The following TAF3 variants were observed in gnomAD, a reference collection of about 807,000 sequenced individuals.
TAF3 encodes TATA-box binding protein associated factor 3, also known as transcription initiation factor TFIID subunit 3.
A neutral mutation model predicts 80.6 loss-of-function variants in TAF3; 7 were observed. The ratio of observed to expected loss-of-function variants is 0.09; its 90% confidence interval spans 0.05 to 0.16. The LOEUF is 0.16. TAF3 is among the 10% of genes least tolerant of loss of function. The probability of loss-of-function intolerance (pLI) is 1.00; values close to 1 mark genes in which losing one functional copy is unlikely to be tolerated. For missense variants in TAF3, 921 were observed against 1,140.2 expected (o/e 0.81, Z 2.77); for synonymous variants, 444 against 446.1 (o/e 1.00, Z 0.06).
chr10:7,878,522 A>G lies in TAF3; in HGVS notation c.409+53962A>G, dbSNP rs79117021. 4.2e-3 allele frequency among the ~76,000 whole-genome samples: 640 copies of G among 152,270 alleles called. 4 individuals are homozygous for G. Among genetic ancestry groups the G allele is most frequent in the African/African-American group, 0.015 (612 of 41,540 alleles). ...ATCTGAGTGTGTTCAGCTTGTGGAA[A>G]GTCATCAGGCCACACACTTAGGGTA... On this transcript the variant is annotated intron_variant, in intron 2 of 6. Transcript: ENST00000344293.
intron 2 of TAF3, among the ~76,000 whole-genome samples, chr10:7,931,969 A>G (rs1837873112): frequency 6.6e-6 from 1 of 152,204 alleles, no homozygotes; most frequent in South Asian, 2.1e-4. Context: ...AGTGCTAGAG[A>G]TACGCAACCA....
intron 2 of TAF3, among the ~76,000 whole-genome samples, chr10:7,958,756 T>G (rs1487707349): frequency 6.6e-6 from 1 of 152,212 alleles, no homozygotes; most frequent in Non-Finnish European, 1.5e-5. Flanking sequence ...CGCGCGTTAC[T>G]TATTCCTGCT....
At position 7,818,852 on chromosome 10, in the gene TAF3, G is replaced by C; in HGVS notation, c.143G>C (p.Gly48Ala). The C allele has an allele frequency of 6.5e-7, 1 of 1,530,274 alleles. No homozygotes were observed. Among genetic ancestry groups the C allele is most frequent in the Non-Finnish European group, 8.7e-7 (1 of 1,150,108 alleles). 94.8% of individuals were successfully genotyped at this position (1,530,274 alleles called of 1,614,324 possible). ...LQRYLQQLGR[G>A]CHRYSELYGR... ...CGCTATCTGCAGCAGCTGGGCCGGG[G>C]CTGCCATCGGTACTCTGAGCTCTGT... is the stretch of plus-strand genomic sequence containing the variant. Residue 48 changes from glycine to alanine, a missense_variant, in exon 1 of 7, where the codon GGC (glycine) becomes GCC (alanine). By Grantham distance (60) the Gly-to-Ala change is moderately conservative. Around this residue, in one of 6 missense-constraint regions of TAF3, gnomAD observed 106 missense variants for 191.8 expected, o/e 0.55. Transcript: ENST00000344293.
At chr10:7,890,048 C>T (rs1337682346) in intron 2 of TAF3, among the ~76,000 whole-genome samples, 1 of 152,172 alleles carries the variant, frequency 6.6e-6, no homozygotes, top group African/African-American at 2.4e-5. Context: ...GTTATTTTGA[C>T]TTCCAGATAA....
At chr10:7,926,645 C>G (rs1416142739) in intron 2 of TAF3, among the ~76,000 whole-genome samples, 4 of 152,082 alleles carry the variant, frequency 2.6e-5, no homozygotes, top group Admixed American at 1.3e-4. Flanking sequence ...TATAATTACT[C>G]TGGTCAATTG....
chr10:8,010,911 G>GA (rs888327460), intron 5 of TAF3, among the ~76,000 whole-genome samples: 74 of 147,162 alleles, frequency 5.0e-4, no homozygotes, highest in African/African-American at 1.4e-3. Context: ...TCCATCTCAA[G>GA]AAAAAAAAAA....
chr10:7,980,884 G>A (rs1478970929), intron 4 of TAF3, among the ~76,000 whole-genome samples: 1 of 152,182 alleles, frequency 6.6e-6, no homozygotes, highest in Non-Finnish European at 1.5e-5. Flanking sequence ...ATCTTACTGT[G>A]TATTGAGTTT....
chr10:7,887,726 CG>C (rs1448685222), intron 2 of TAF3, among the ~76,000 whole-genome samples: 1 of 151,628 alleles, frequency 6.6e-6, no homozygotes, highest in African/African-American at 2.4e-5. Context: ...AAGCTAAAAT[CG>C]GGGGGGATAA....
At chr10:8,014,615 C>G (rs751787308) in intron 6 of TAF3, 22 bp from the exon 7 acceptor site, 1 of 1,601,086 alleles carries the variant, frequency 6.2e-7, no homozygotes, top group South Asian at 1.1e-5. Context: ...AGTTGCTTAT[C>G]TGAGCTTGTT....
intron 2 of TAF3, among the ~76,000 whole-genome samples, chr10:7,905,917 G>T (rs961979121): frequency 6.6e-6 from 1 of 152,092 alleles, no homozygotes; most frequent in Admixed American, 6.6e-5. Flanking sequence ...TCTGCTTTAT[G>T]TATTTGTACT....
At chr10:7,901,498 A>G (rs1000025050) in intron 2 of TAF3, among the ~76,000 whole-genome samples, 1 of 152,242 alleles carries the variant, frequency 6.6e-6, no homozygotes, top group Non-Finnish European at 1.5e-5. Flanking sequence ...ATTGAAAACT[A>G]CTTTCCTTTG....
chr10:7,846,347 C>T (rs752759187), intron 2 of TAF3, among the ~76,000 whole-genome samples: 2 of 151,670 alleles, frequency 1.3e-5, no homozygotes, highest in Non-Finnish European at 2.9e-5. Context: ...TATAGAATAC[C>T]CATTATATTC....
chr10:7,848,069 C>T (rs1170927811), intron 2 of TAF3, among the ~76,000 whole-genome samples: 1 of 152,178 alleles, frequency 6.6e-6, no homozygotes, highest in African/African-American at 2.4e-5. Flanking sequence ...TGTGCCCAGC[C>T]TATATTTCTA....
At chr10:7,880,355 A>G (rs1837348992) in intron 2 of TAF3, among the ~76,000 whole-genome samples, 1 of 152,228 alleles carries the variant, frequency 6.6e-6, no homozygotes, top group Non-Finnish European at 1.5e-5. Flanking sequence ...AACAAAAACT[A>G]TTTTTGAATT....
At chr10:7,838,545 C>CTAATTTTTG (rs1266579237) in intron 2 of TAF3, among the ~76,000 whole-genome samples, 1 of 152,080 alleles carries the variant, frequency 6.6e-6, no homozygotes, top group Non-Finnish European at 1.5e-5. Context: ...CCACGCCTGG[C>CTAATTTTTG]TAATTTTTGT....
chr10:7,935,991 C>T (rs1008136077), intron 2 of TAF3, among the ~76,000 whole-genome samples: 1 of 152,074 alleles, frequency 6.6e-6, no homozygotes, highest in African/African-American at 2.4e-5. Context: ...TGTAGGGGCT[C>T]ACGGAGGGAA....
intron 2 of TAF3, among the ~76,000 whole-genome samples, chr10:7,959,282 A>G (rs1371594988): frequency 6.6e-6 from 1 of 152,244 alleles, no homozygotes; most frequent in Admixed American, 6.5e-5. Flanking sequence ...TAAATTAAAC[A>G]AATAAAAATA....
In TAF3 at chr10:8,006,014, C is replaced by A. The variant is rs75134641; in HGVS notation, c.2316-3064C>A. ...CTTCGTTTAAAAAGCAGAATAATAG[C>A]TTGCCTCATGTGGTCATTATGAAAA... On this transcript the variant is annotated intron_variant, in intron 4 of 6. Coordinates refer to ENST00000344293, the MANE Select transcript of TAF3 (RefSeq NM_031923.4). 4.6e-3 allele frequency among the ~76,000 whole-genome samples: 704 copies of A among 152,246 alleles called. 7 individuals are homozygous for A. Among genetic ancestry groups the A allele is most frequent in the East Asian group, 0.028 (146 of 5,184 alleles).
intron 3 of TAF3, among the ~76,000 whole-genome samples, chr10:7,975,662 C>A (rs1316520845): frequency 2.6e-5 from 4 of 152,154 alleles, no homozygotes; most frequent in Admixed American, 2.0e-4. Context: ...AGGCATCATG[C>A]AAGGGAGCTG....
Sources: gnomAD v4.1 joint callset for allele counts (sites outside exome capture counted in the v4.1 genomes callset) on GRCh38, gnomAD v4.1.1 for gene constraint, gnomAD v4.1.1 regional missense constraint, MANE v1.5 for transcripts, NCBI Gene and HGNC (gene_info 2026-07-23, HGNC 2026-07-21) for gene names.